NBEA: variants seen among roughly 807,000 people sequenced by gnomAD.
NBEA encodes lysosomal-trafficking regulator 2.
In NBEA, 44 loss-of-function variants were observed where a neutral mutation model predicts 343.4. The observed-to-expected ratio is 0.13, with a 90% confidence interval of 0.10 to 0.16. The LOEUF is 0.16. NBEA is among the 10% of genes least tolerant of loss of function. The probability of loss-of-function intolerance (pLI) is 1.00; values close to 1 mark genes in which losing one functional copy is unlikely to be tolerated. For synonymous variants in NBEA, 1,175 were observed against 1,238.7 expected, an observed-to-expected ratio of 0.95 and a Z score of 1.08; for missense variants, 2,555 against 3,631.3, an observed-to-expected ratio of 0.70 and a Z score of 7.62.
chr13:35,576,502 A>G (rs2153033355), intron 45 of NBEA, among the ~76,000 whole-genome samples: 1 of 152,308 alleles, frequency 6.6e-6, no homozygotes, highest in Admixed American at 6.5e-5. Context: ...AATTTATCAA[A>G]GTTAAAATGT....
chr13:35,580,045 C>A (rs1281878460), intron 45 of NBEA, among the ~76,000 whole-genome samples: 1 of 151,992 alleles, frequency 6.6e-6, no homozygotes, highest in Non-Finnish European at 1.5e-5. Context: ...GGAAACAGTG[C>A]CTTTTTGCAA....
At chr13:35,221,246 A>T (rs376424860) in intron 33 of NBEA, among the ~76,000 whole-genome samples, 2 of 151,874 alleles carry the variant, frequency 1.3e-5, no homozygotes, top group South Asian at 4.2e-4. Context: ...TGGGAGGCTG[A>T]GGCAGAAGAA....
chr13:34,989,074 A>G (rs1018770178), intron 1 of NBEA, among the ~76,000 whole-genome samples: 1 of 150,388 alleles, frequency 6.6e-6, no homozygotes, highest in Non-Finnish European at 1.5e-5. Context: ...TCATTATTTT[A>G]TATATTTGTT....
chr13:35,545,888 G>A (rs1375160850), intron 41 of NBEA, among the ~76,000 whole-genome samples: 1 of 152,164 alleles, frequency 6.6e-6, no homozygotes, highest in Non-Finnish European at 1.5e-5. Flanking sequence ...GGGTTGTTTG[G>A]TGGACTATAC....
intron 46 of NBEA, among the ~76,000 whole-genome samples, chr13:35,590,993 G>T (rs1190219874): frequency 1.3e-5 from 2 of 152,022 alleles, no homozygotes; most frequent in Non-Finnish European, 2.9e-5. Flanking sequence ...TTAGGAACTG[G>T]CAGTCTGGTG....
chr13:35,445,306 G>C (rs923181786), intron 39 of NBEA, among the ~76,000 whole-genome samples: 5 of 151,502 alleles, frequency 3.3e-5, no homozygotes, highest in Admixed American at 2.0e-4. Flanking sequence ...TTATCCTCTT[G>C]TTTTATTTAT....
chr13:35,556,442 C>A lies in NBEA; in HGVS notation c.6922+1340C>A, dbSNP rs1035434345. On this transcript the variant is annotated intron_variant, in intron 44 of 58. Transcript: ENST00000379939. ...TCGTGGACTTTTAATATTTTAATAGCAATATTTAATATGTTTACATCTGTT... is the reference window on the plus strand; with the variant it reads ...TCGTGGACTTTTAATATTTTAATAGAAATATTTAATATGTTTACATCTGTT... 7.2e-5 allele frequency among the ~76,000 whole-genome samples: 11 copies of A among 151,858 alleles called. 1 individual carries two copies. The highest frequency in any genetic ancestry group is 1.5e-4 in the Non-Finnish European group (10 of 67,866).
intron 2 of NBEA, among the ~76,000 whole-genome samples, chr13:35,043,443 A>C (rs535417444): frequency 5.9e-5 from 9 of 152,026 alleles, no homozygotes; most frequent in Non-Finnish European, 8.8e-5. Context: ...ATTGCAGCTA[A>C]TTGCTTAAAA....
chr13:35,404,614 GA>G (rs2043173428), intron 38 of NBEA, among the ~76,000 whole-genome samples: 1 of 100,244 alleles, frequency 1.0e-5, no homozygotes, highest in African/African-American at 3.9e-5. Context: ...GGGGTGGGGG[GA>G]GGGGGGAGGG....
chr13:35,327,920 A>T (rs1350740175), intron 36 of NBEA, among the ~76,000 whole-genome samples: 2 of 151,984 alleles, frequency 1.3e-5, no homozygotes, highest in East Asian at 1.9e-4. Context: ...ATAAAAAAAA[A>T]ACTCTCAGCA....
At chr13:35,261,388 C>T (rs982572041) in intron 34 of NBEA, among the ~76,000 whole-genome samples, 7 of 151,866 alleles carry the variant, frequency 4.6e-5, no homozygotes, top group African/African-American at 7.3e-5. Context: ...AGAGCATATC[C>T]GTAGTCCAGC....
chr13:34,966,750 T>G (rs2059833526), intron 1 of NBEA, among the ~76,000 whole-genome samples: 1 of 151,892 alleles, frequency 6.6e-6, no homozygotes, highest in Non-Finnish European at 1.5e-5. Flanking sequence ...ACTGTATATA[T>G]GAGAGAATTC....
chr13:35,048,288 T>C (rs1422847079), intron 4 of NBEA, among the ~76,000 whole-genome samples: 3 of 151,988 alleles, frequency 2.0e-5, no homozygotes, highest in Non-Finnish European at 4.4e-5. Context: ...AGATGGCGAC[T>C]TCTTGGAGTA....
At chr13:35,253,854 AAGAAC>A (rs1437817062) in intron 34 of NBEA, among the ~76,000 whole-genome samples, 1 of 152,128 alleles carries the variant, frequency 6.6e-6, no homozygotes, top group African/African-American at 2.4e-5. Context: ...AGAAAAAAAA[AAGAAC>A]AGAAGAATGG....
chr13:35,572,421 A>G (rs2080479632), intron 45 of NBEA, among the ~76,000 whole-genome samples: 1 of 152,226 alleles, frequency 6.6e-6, no homozygotes, highest in Non-Finnish European at 1.5e-5. Context: ...AAGACATCAC[A>G]TACACACACC....
chr13:35,513,133 C>T (rs1397606231), intron 41 of NBEA, among the ~76,000 whole-genome samples: 2 of 148,776 alleles, frequency 1.3e-5, no homozygotes, highest in Non-Finnish European at 3.0e-5. Flanking sequence ...GAAATTATTA[C>T]TTTTTTCTTT....
rs551199827 is a variant in NBEA, at chr13:35,355,116, C to T, written c.6179+2793C>T. On this transcript the variant is annotated intron_variant, in intron 38 of 58. Transcript: ENST00000379939. ...TACTGACACTGCCACAAAATATATC[C>T]AGCTTCGACTGCTTCTCACCATTAC... 5.9e-5 allele frequency among the ~76,000 whole-genome samples: 9 copies of T among 152,270 alleles called. No homozygotes were observed. The South Asian group carries it at 1.9e-3, about 32-fold the overall frequency.
At chr13:35,127,541 AGAAGG>A (rs1162959946) in intron 17 of NBEA, among the ~76,000 whole-genome samples, 2 of 152,216 alleles carry the variant, frequency 1.3e-5, no homozygotes, top group Non-Finnish European at 2.9e-5. Context: ...GACTGAGAAA[AGAAGG>A]AAAGTAGAGC....
chr13:35,661,768 C>G (rs1026433928), intron 55 of NBEA, among the ~76,000 whole-genome samples: 1 of 152,190 alleles, frequency 6.6e-6, no homozygotes, highest in African/African-American at 2.4e-5. Context: ...ATCCCTTATT[C>G]TGGGATTTTA....
Sources: gnomAD v4.1 joint callset for allele counts (sites outside exome capture counted in the v4.1 genomes callset) on GRCh38, gnomAD v4.1.1 for gene constraint, MANE v1.5 for transcripts, NCBI Gene and HGNC (gene_info 2026-07-23, HGNC 2026-07-21) for gene names.